SGCZ: variants seen among roughly 807,000 people sequenced by gnomAD.
The protein encoded by SGCZ is sarcoglycan zeta.
In SGCZ, 40 loss-of-function variants were observed where a neutral mutation model predicts 41.3. That is an observed-to-expected ratio of 0.97 (90% CI 0.75 to 1.26). The LOEUF (loss-of-function observed/expected upper bound fraction) is 1.26. Among genes scored for constraint, SGCZ ranks in the 50% most tolerant of loss-of-function variants. The probability of loss-of-function intolerance (pLI) is 0.00; values close to 1 mark genes in which losing one functional copy is unlikely to be tolerated. For synonymous variants in SGCZ, 206 were observed against 137.5 expected (o/e 1.50, Z -3.49); for missense variants, 552 against 369.8 (o/e 1.49, Z -4.04).
intron 1 of SGCZ, among the ~76,000 whole-genome samples, chr8:15,194,982 ATGAC>A (rs1464602144): frequency 6.6e-6 from 1 of 152,256 alleles, no homozygotes; most frequent in Non-Finnish European, 1.5e-5. Flanking sequence ...ATGTTAAAAA[ATGAC>A]TGATCATTTA....
At chr8:14,705,248 T>C (rs959357562) in intron 1 of SGCZ, among the ~76,000 whole-genome samples, 1 of 151,912 alleles carries the variant, frequency 6.6e-6, no homozygotes, top group Non-Finnish European at 1.5e-5. Flanking sequence ...ATGGACTACA[T>C]GGTGTTTAAG....
intron 1 of SGCZ, among the ~76,000 whole-genome samples, chr8:15,112,757 C>A (rs1356559875): frequency 6.6e-6 from 1 of 152,216 alleles, no homozygotes; most frequent in East Asian, 1.9e-4. Context: ...TTACCAGCCA[C>A]TGGAGAGAGT....
intron 1 of SGCZ, among the ~76,000 whole-genome samples, chr8:14,867,484 G>C (rs569411364): frequency 6.6e-6 from 1 of 151,700 alleles, no homozygotes; most frequent in African/African-American, 2.4e-5. Context: ...AGGATTGCTG[G>C]GTAGAATAGT....
Position 14,944,492 on chromosome 8 carries a change from GAAAATGAAC to G in SGCZ, c.39+293084_39+293092del, listed in dbSNP as rs542036449. 2.5e-3 allele frequency among the ~76,000 whole-genome samples: 384 copies of G among 152,202 alleles called. 3 individuals carry two copies. Among genetic ancestry groups the G allele is most frequent in the African/African-American group, 9.0e-3 (372 of 41,530 alleles). On this transcript the variant is annotated intron_variant, in intron 1 of 7. Coordinates refer to ENST00000382080, the MANE Select transcript of SGCZ (RefSeq NM_139167.4). Reference sequence around the variant, plus strand: ...AGCTATGTTGTGGATTCATTACCCTGAAAATGAACTTTAGGCCATTCTATCACATTAACT... The same window carrying G: ...AGCTATGTTGTGGATTCATTACCCTGTTTAGGCCATTCTATCACATTAACT...
chr8:14,566,422 C>T (rs1379627183), intron 1 of SGCZ, among the ~76,000 whole-genome samples: 2 of 150,918 alleles, frequency 1.3e-5, no homozygotes, highest in Non-Finnish European at 3.0e-5. Flanking sequence ...TGGGTCGATT[C>T]CCTACTGAGG....
At chr8:14,614,253 G>A (rs1806022131) in intron 1 of SGCZ, among the ~76,000 whole-genome samples, 2 of 152,118 alleles carry the variant, frequency 1.3e-5, no homozygotes, top group South Asian at 4.1e-4. Flanking sequence ...AAACACTACT[G>A]GATTTTTAAA....
intron 5 of SGCZ, among the ~76,000 whole-genome samples, chr8:14,146,547 A>G (rs971389947): frequency 6.6e-6 from 1 of 152,176 alleles, no homozygotes; most frequent in African/African-American, 2.4e-5. Context: ...ACAGAATATT[A>G]TAACACTGTA....
chr8:14,088,969 T>A lies in SGCZ; in HGVS notation c.*1474A>T, dbSNP rs1801607673. ...AGTGTGCATGAGGGAGAAAAACGTT[T>A]GATTGACATGTGAAAATTCAGGACT... On this transcript the variant is annotated 3_prime_UTR_variant, in exon 8 of 8. Transcript: ENST00000382080. Among the ~76,000 whole-genome samples the A allele has an allele frequency of 6.6e-6, 1 of 151,932 alleles. No individual in the cohort carries two copies. Among genetic ancestry groups the A allele is most frequent in the Non-Finnish European group, 1.5e-5 (1 of 67,914 alleles).
At chr8:15,134,285 T>C (rs1163206682) in intron 1 of SGCZ, among the ~76,000 whole-genome samples, 3 of 146,546 alleles carry the variant, frequency 2.0e-5, no homozygotes, top group Admixed American at 7.2e-5. Context: ...AATGTAAATA[T>C]ACAATAGGAG....
chr8:14,236,472 T>G (rs1426195267), intron 4 of SGCZ, among the ~76,000 whole-genome samples: 1 of 152,074 alleles, frequency 6.6e-6, no homozygotes, highest in Non-Finnish European at 1.5e-5. Context: ...ACAAATTAAG[T>G]ACACAGAATC....
chr8:15,100,402 T>A (rs1476831233), intron 1 of SGCZ, among the ~76,000 whole-genome samples: 2 of 152,080 alleles, frequency 1.3e-5, no homozygotes, highest in African/African-American at 4.8e-5. Flanking sequence ...ATGCAATATG[T>A]ATGAAACAGA....
At chr8:14,831,788 G>GTGTGTACACATGCATGTATATA (rs1563300928) in intron 1 of SGCZ, among the ~76,000 whole-genome samples, 1 of 149,850 alleles carries the variant, frequency 6.7e-6, no homozygotes, top group Non-Finnish European at 1.5e-5. Flanking sequence ...ACGTATATAT[G>GTGTGTACACATGCATGTATATA]TGTGTACACA....
chr8:14,803,278 G>A (rs1002019491), intron 1 of SGCZ, among the ~76,000 whole-genome samples: 1 of 152,134 alleles, frequency 6.6e-6, no homozygotes, highest in Non-Finnish European at 1.5e-5. Flanking sequence ...CGTGAGCGAC[G>A]CAGAAGACGG....
intron 5 of SGCZ, among the ~76,000 whole-genome samples, chr8:14,135,690 CAG>C (rs1165428191): frequency 6.6e-6 from 1 of 152,144 alleles, no homozygotes; most frequent in Non-Finnish European, 1.5e-5. Flanking sequence ...TCTTCAAACA[CAG>C]ATAGTTTTAC....
chr8:14,513,141 C>G (rs1802514327), intron 2 of SGCZ, among the ~76,000 whole-genome samples: 2 of 152,020 alleles, frequency 1.3e-5, no homozygotes, highest in Admixed American at 6.6e-5. Context: ...CTCCCAGGCT[C>G]AAGCAATCCT....
At chr8:14,114,513 G>A (rs1802465702) in intron 5 of SGCZ, among the ~76,000 whole-genome samples, 1 of 151,832 alleles carries the variant, frequency 6.6e-6, no homozygotes, top group Non-Finnish European at 1.5e-5. Context: ...TTCAAAATCT[G>A]TTTGGACTTT....
At chr8:14,799,804 T>G (rs1801259959) in intron 1 of SGCZ, among the ~76,000 whole-genome samples, 1 of 152,160 alleles carries the variant, frequency 6.6e-6, no homozygotes, top group African/African-American at 2.4e-5. Context: ...CCTGCAGTAA[T>G]TCACATGACC....
chr8:14,162,188 T>C (rs1017160433), intron 5 of SGCZ, among the ~76,000 whole-genome samples: 1 of 152,142 alleles, frequency 6.6e-6, no homozygotes, highest in Non-Finnish European at 1.5e-5. Context: ...GCAAAGGTAA[T>C]ACAAATATCA....
chr8:14,893,056 G>A (rs1452773229), intron 1 of SGCZ, among the ~76,000 whole-genome samples: 1 of 152,182 alleles, frequency 6.6e-6, no homozygotes, highest in Non-Finnish European at 1.5e-5. Context: ...AACTTGCCGA[G>A]AGGGACTTTG....
Sources: gnomAD v4.1 joint callset for allele counts (sites outside exome capture counted in the v4.1 genomes callset) on GRCh38, gnomAD v4.1.1 for gene constraint, MANE v1.5 for transcripts, NCBI Gene and HGNC (gene_info 2026-07-23, HGNC 2026-07-21) for gene names.